Variants in RREB1 observed in about 807,000 individuals in gnomAD.
The protein encoded by RREB1 is ras-responsive element-binding protein 1.
A neutral mutation model predicts 117.8 loss-of-function variants in RREB1; 27 were observed. The observed-to-expected ratio is 0.23, with a 90% CI of 0.17 to 0.32. The LOEUF is 0.32. RREB1 is among the 10% of genes least tolerant of loss of function. The pLI, the probability that RREB1 is intolerant of heterozygous loss-of-function variation, is 1.00. For synonymous variants in RREB1, 1,298 were observed against 1,026.7 expected (o/e 1.26, Z -5.05); for missense variants, 2,577 against 2,378.2 (o/e 1.08, Z -1.74).
At chr6:7,147,868 A>T (rs1326190273) in intron 1 of RREB1, among the ~76,000 whole-genome samples, 1 of 152,040 alleles carries the variant, frequency 6.6e-6, no homozygotes, top group Non-Finnish European at 1.5e-5. Context: ...AAAAAAAAAA[A>T]GTTTGTGTTT....
chr6:7,211,339 G>GATGA (rs1317539236), intron 7 of RREB1, among the ~76,000 whole-genome samples: 4 of 2,592 alleles, frequency 1.5e-3, no homozygotes, highest in African/African-American at 5.8e-3. Context: ...TGGATGGACA[G>GATGA]ATGGATGGAT....
chr6:7,234,376 C>G (rs1768181891), intron 10 of RREB1, among the ~76,000 whole-genome samples: 1 of 152,146 alleles, frequency 6.6e-6, no homozygotes, highest in African/African-American at 2.4e-5. Context: ...TCCCACCTCC[C>G]CCTGCTGTCA....
At chr6:7,155,866 A>G (rs1367824904) in intron 1 of RREB1, among the ~76,000 whole-genome samples, 4 of 152,168 alleles carry the variant, frequency 2.6e-5, no homozygotes, top group African/African-American at 9.7e-5. Context: ...TTGCTGGCCC[A>G]TGTATTCCCT....
chr6:7,249,840 T>C lies in RREB1; in HGVS notation c.*872T>C, dbSNP rs1482754293. ...TATTATTATTAGTTCATCAGTTTGCTGTTCTCTGCAGTGAGCAGAATCAAA... is the reference window on the plus strand; with the variant it reads ...TATTATTATTAGTTCATCAGTTTGCCGTTCTCTGCAGTGAGCAGAATCAAA... On this transcript the variant is annotated 3_prime_UTR_variant, in exon 13 of 13. Transcript: ENST00000379938. The C allele has an allele frequency of 1.3e-5, 2 of 152,508 alleles. No homozygotes were observed. Among genetic ancestry groups the C allele is most frequent in the African/African-American group, 4.8e-5 (2 of 41,386 alleles). 9.4% of individuals were successfully genotyped at this position (152,508 alleles called of 1,614,324 possible).
chr6:7,179,231 C>T lies in RREB1; in HGVS notation c.-165-1893C>T, dbSNP rs1764662793. On this transcript the variant is annotated intron_variant, in intron 2 of 12. Coordinates refer to ENST00000379938, the MANE Select transcript of RREB1 (RefSeq NM_001003699.4). ...TCCCAGACTTGAGCAAACTCTAACT[C>T]TACCACATTTTTCTTTCCTTTTTCT... Among the ~76,000 whole-genome samples, 3 of 152,186 alleles carry T rather than the reference C, an allele frequency of 2.0e-5. No individual in the cohort carries two copies. In the South Asian group the frequency reaches 6.2e-4, roughly 31 times the overall value.
intron 6 of RREB1, among the ~76,000 whole-genome samples, chr6:7,203,634 A>T (rs1766110796): frequency 6.6e-6 from 1 of 152,232 alleles, no homozygotes; most frequent in South Asian, 2.1e-4. Flanking sequence ...TATAAGGAAC[A>T]TGAAAATGAA....
intron 4 of RREB1, chr6:7,183,596 G>A (rs971274636): frequency 2.0e-5 from 3 of 152,106 alleles, no homozygotes; most frequent in Non-Finnish European, 4.4e-5. Context: ...GATGCCCACA[G>A]CACCTCCCAT....
intron 1 of RREB1, among the ~76,000 whole-genome samples, chr6:7,123,610 C>CTTT (rs5874079): frequency 1.1e-4 from 13 of 122,846 alleles, no homozygotes; most frequent in South Asian, 2.6e-4. Context: ...TGTGATGTGT[C>CTTT]TTTTTTTTTT....
At chr6:7,239,178 GT>G (rs1352116701) in intron 10 of RREB1, among the ~76,000 whole-genome samples, 1 of 152,232 alleles carries the variant, frequency 6.6e-6, no homozygotes, top group African/African-American at 2.4e-5. Context: ...TGTGATCTGT[GT>G]TTCCAGGGAG....
chr6:7,210,404 G>T (rs889293653), intron 6 of RREB1, among the ~76,000 whole-genome samples: 2 of 152,212 alleles, frequency 1.3e-5, no homozygotes, highest in African/African-American at 4.8e-5. Flanking sequence ...GGCAAGGATA[G>T]CATTATCACT....
Position 7,229,257 on chromosome 6 carries a change from T to A in RREB1, c.1158T>A (p.Asp386Glu). 6.2e-7 allele frequency: 1 copy of A among 1,613,974 alleles called. No homozygotes were observed. The highest frequency in any genetic ancestry group is 2.2e-5 in the East Asian group (1 of 44,856). Residue 386 changes from aspartate to glutamate, a missense_variant, in exon 10 of 13, where the codon GAT (aspartate) becomes GAA (glutamate). Physicochemically the swap from Asp to Glu is conservative, Grantham distance 45 (BLOSUM62 2). Transcript: ENST00000379938. The surrounding 1 kb of genome is among the most constrained non-coding windows in gnomAD (Gnocchi z 4.5). ...RPAPAEEPLP[D>E]DNQAIQLQTL... ...CCCCCGCCGAGGAGCCCCTGCCGGA[T>A]GACAACCAGGCAATTCAGCTCCAGA...
rs763169132 is a variant in RREB1, at chr6:7,229,772, C to G, written c.1673C>G (p.Ser558Cys). The G allele has an allele frequency of 1.9e-6, 3 of 1,606,316 alleles. No homozygotes were observed. The highest frequency in any genetic ancestry group is 2.6e-6 in the Non-Finnish European group (3 of 1,175,220). The change falls in exon 10 of 13, where the codon TCC becomes TGC. Residue 558 changes from serine to cysteine, a missense_variant. Coordinates refer to ENST00000379938, the MANE Select transcript of RREB1 (RefSeq NM_001003699.4). The surrounding 1 kb of genome is among the most constrained non-coding windows in gnomAD (Gnocchi z 4.5). ...KLLKGSVEAA[S>C]NAHLLQSKSG... is the part of the protein sequence containing the mutation. ...CTCAAAGGCTCAGTGGAGGCGGCCT[C>G]CAACGCCCACCTGCTGCAGTCCAAG...
intron 1 of RREB1, among the ~76,000 whole-genome samples, chr6:7,124,931 T>A (rs1761844547): frequency 6.6e-6 from 1 of 152,190 alleles, no homozygotes; most frequent in Non-Finnish European, 1.5e-5. Context: ...AGACTACCTG[T>A]CATAGAGACA....
intron 1 of RREB1, among the ~76,000 whole-genome samples, chr6:7,142,868 G>A (rs1281399376): frequency 6.6e-6 from 1 of 152,164 alleles, no homozygotes; most frequent in Non-Finnish European, 1.5e-5. Context: ...ATTCTTCATG[G>A]GGGGATAACT....
chr6:7,226,488 C>G lies in RREB1; in HGVS notation c.729C>G (p.Thr243=). 6.2e-7 allele frequency: 1 copy of G among 1,613,250 alleles called. No homozygotes were observed. ...NPLRCDICCV[T]FRTHRGLLRH... is the part of the protein sequence containing the mutation. ...CTAGATGTGACATTTGTTGTGTCACCTTTCGAACACATCGAGGACTGCTGC... is the reference window on the plus strand; with the variant it reads ...CTAGATGTGACATTTGTTGTGTCACGTTTCGAACACATCGAGGACTGCTGC... The change falls in exon 9 of 13, where the codon ACC becomes ACG. Residue 243 remains threonine, a synonymous_variant. Transcript: ENST00000379938.
chr6:7,208,064 A>G (rs1766375474), intron 6 of RREB1, among the ~76,000 whole-genome samples: 1 of 152,188 alleles, frequency 6.6e-6, no homozygotes, highest in African/African-American at 2.4e-5. Flanking sequence ...CTTCCAGTTC[A>G]TGGGCTCCTT....
At chr6:7,135,331 A>G (rs938566649) in intron 1 of RREB1, among the ~76,000 whole-genome samples, 1 of 152,222 alleles carries the variant, frequency 6.6e-6, no homozygotes, top group African/African-American at 2.4e-5. Context: ...ATTGGAAAGT[A>G]CCATATAAAG....
chr6:7,139,797 G>A (rs1396982533), intron 1 of RREB1, among the ~76,000 whole-genome samples: 1 of 152,062 alleles, frequency 6.6e-6, no homozygotes, highest in Non-Finnish European at 1.5e-5. Flanking sequence ...TTAGACTTTG[G>A]AAATTTATAT....
chr6:7,164,079 C>T (rs143641148), intron 1 of RREB1, among the ~76,000 whole-genome samples: 35 of 152,238 alleles, frequency 2.3e-4, no homozygotes, highest in African/African-American at 7.0e-4. Context: ...TGTGGGGGGA[C>T]AGCACAGTTC....
Sources: gnomAD v4.1 joint callset for allele counts (sites outside exome capture counted in the v4.1 genomes callset) on GRCh38, gnomAD v4.1.1 for gene constraint, Gnocchi (gnomAD v3.1) non-coding constraint, MANE v1.5 for transcripts, NCBI Gene and HGNC (gene_info 2026-07-23, HGNC 2026-07-21) for gene names.